Variants in NARS2 observed in about 807,000 individuals in gnomAD.
NARS2 encodes asparaginyl-tRNA synthetase 2, mitochondrial, also known as asparaginyl-tRNA synthetase.
Under a neutral mutation model 62.9 loss-of-function variants are expected in NARS2, and 60 were observed. The observed-to-expected ratio is 0.95, with a 90% CI of 0.77 to 1.18. The LOEUF (loss-of-function observed/expected upper bound fraction) is 1.18, where lower values mean the gene tolerates loss of function less well. Among genes scored for constraint, NARS2 ranks in the 50% most tolerant of loss-of-function variants. The pLI is 0.00. For synonymous variants in NARS2, 196 were observed against 200.0 expected, an observed-to-expected ratio of 0.98 and a Z score of 0.17; for missense variants, 619 against 576.4, an observed-to-expected ratio of 1.07 and a Z score of -0.76.
intron 7 of NARS2, among the ~76,000 whole-genome samples, chr11:78,489,773 T>C (rs1446086153): frequency 2.0e-5 from 3 of 152,184 alleles, no homozygotes; most frequent in African/African-American, 4.8e-5. Flanking sequence ...GAAATGAGTC[T>C]GGGTGGCTGC....
At chr11:78,564,800 T>C (rs1856687341) in intron 4 of NARS2, among the ~76,000 whole-genome samples, 1 of 152,160 alleles carries the variant, frequency 6.6e-6, no homozygotes, top group South Asian at 2.1e-4. Context: ...TGGGATAACA[T>C]TATATAATTT....
intron 6 of NARS2, among the ~76,000 whole-genome samples, chr11:78,510,742 C>A (rs1860691297): frequency 1.3e-5 from 2 of 152,116 alleles, no homozygotes; most frequent in Admixed American, 6.5e-5. Flanking sequence ...CTTAATGTCA[C>A]TGAACTACAT....
At chr11:78,498,233 A>T (rs1428442237) in intron 6 of NARS2, among the ~76,000 whole-genome samples, 2 of 152,184 alleles carry the variant, frequency 1.3e-5, no homozygotes, top group African/African-American at 4.8e-5. Context: ...TTGTAAACAC[A>T]GTAAGCAGTG....
chr11:78,523,008 C>G (rs1012439772), intron 6 of NARS2, among the ~76,000 whole-genome samples: 1 of 152,048 alleles, frequency 6.6e-6, no homozygotes, highest in East Asian at 1.9e-4. Flanking sequence ...ATCCACCAAA[C>G]AGGGAAAAAA....
At chr11:78,520,927 G>A (rs928525209) in intron 6 of NARS2, among the ~76,000 whole-genome samples, 3 of 151,708 alleles carry the variant, frequency 2.0e-5, no homozygotes, top group Non-Finnish European at 2.9e-5. Flanking sequence ...GTGTGGTGGT[G>A]GACACCTGTA....
chr11:78,487,759 A>G (rs1005464259), intron 7 of NARS2, among the ~76,000 whole-genome samples: 13 of 152,230 alleles, frequency 8.5e-5, no homozygotes, highest in African/African-American at 2.9e-4. Flanking sequence ...TTTATTCTCA[A>G]ACACTACAGA....
intron 5 of NARS2, among the ~76,000 whole-genome samples, chr11:78,529,768 C>T (rs1406338676): frequency 6.6e-6 from 1 of 152,122 alleles, no homozygotes; most frequent in African/African-American, 2.4e-5. Context: ...TCAAGAAATC[C>T]TCCCACTTCA....
chr11:78,552,737 T>C (rs181253771), intron 5 of NARS2, among the ~76,000 whole-genome samples: 3 of 151,500 alleles, frequency 2.0e-5, no homozygotes, highest in Non-Finnish European at 2.9e-5. Flanking sequence ...CGAACCAATG[T>C]TCATCTTACG....
intron 11 of NARS2, among the ~76,000 whole-genome samples, chr11:78,452,200 C>A (rs1382774558): frequency 6.6e-6 from 1 of 151,948 alleles, no homozygotes; most frequent in African/African-American, 2.4e-5. Flanking sequence ...CTCTGCCTCC[C>A]AGGTTCAAGA....
At chr11:78,506,665 G>A (rs967894316) in intron 6 of NARS2, among the ~76,000 whole-genome samples, 102 of 152,344 alleles carry the variant, frequency 6.7e-4, no homozygotes, top group African/African-American at 2.2e-3. Context: ...CTCCTGAGTA[G>A]CTGGGACTAC....
intron 11 of NARS2, among the ~76,000 whole-genome samples, chr11:78,445,940 G>T (rs1049056504): frequency 1.3e-5 from 2 of 152,044 alleles, no homozygotes; most frequent in African/African-American, 4.8e-5. Flanking sequence ...TAGTCTAGGC[G>T]ACAGGCAAGA....
intron 13 of NARS2, among the ~76,000 whole-genome samples, chr11:78,440,061 T>A (rs528806391): frequency 1.5e-4 from 23 of 152,332 alleles, no homozygotes; most frequent in Admixed American, 3.3e-4. Flanking sequence ...AGGATTTTTT[T>A]AAATTAATTA....
chr11:78,450,489 G>A (rs1035800804), intron 11 of NARS2, among the ~76,000 whole-genome samples: 1 of 152,076 alleles, frequency 6.6e-6, no homozygotes, highest in Non-Finnish European at 1.5e-5. Context: ...CCAGTGGTCA[G>A]TCTCCTACAT....
At chr11:78,490,416 G>A (rs909831517) in intron 7 of NARS2, among the ~76,000 whole-genome samples, 2 of 152,180 alleles carry the variant, frequency 1.3e-5, no homozygotes, top group African/African-American at 4.8e-5. Flanking sequence ...GTTTTCTTCT[G>A]GTTCACAGTA....
intron 11 of NARS2, among the ~76,000 whole-genome samples, chr11:78,449,133 GTTT>G (rs201937471): frequency 1.4e-3 from 140 of 100,042 alleles, no homozygotes; most frequent in East Asian, 6.1e-3. Flanking sequence ...CCTAAAAAAT[GTTT>G]TTTTTTTTTT....
intron 5 of NARS2, among the ~76,000 whole-genome samples, chr11:78,545,940 C>T (rs1340729046): frequency 6.6e-6 from 1 of 152,158 alleles, no homozygotes; most frequent in Non-Finnish European, 1.5e-5. Context: ...TATTTTTCTT[C>T]GCAATACAAA....
intron 11 of NARS2, among the ~76,000 whole-genome samples, chr11:78,464,702 A>C (rs76725518): frequency 6.6e-6 from 1 of 152,068 alleles, no homozygotes; most frequent in African/African-American, 2.4e-5. Flanking sequence ...GCTAGACATA[A>C]AGGTTCTCCA....
At chr11:78,525,834 G>A (rs1164637088) in intron 6 of NARS2, among the ~76,000 whole-genome samples, 4 of 152,064 alleles carry the variant, frequency 2.6e-5, no homozygotes, top group African/African-American at 9.7e-5. Context: ...TGGATATCAC[G>A]TATCCACTGA....
In NARS2 at chr11:78,571,407, A is replaced by G; in HGVS notation, c.179T>C (p.Leu60Ser). 1 of 1,613,636 alleles carries G rather than the reference A, an allele frequency of 6.2e-7. No individual in the cohort carries two copies. Among genetic ancestry groups the G allele is most frequent in the Non-Finnish European group, 8.5e-7 (1 of 1,179,882 alleles). ...IRSVRSQKEV[L>S]FLHVNDGSSL... is the part of the protein sequence containing the mutation. ...TGACCCATCATTTACATGCAGGAAC[A>G]AGACTTCCTTCTGGGATCGGACAGA... The change falls in exon 2 of 14, where the codon TTG (leucine) becomes TCG (serine). Residue 60 changes from leucine (L) to serine (S), a missense_variant. Coordinates refer to ENST00000281038, the MANE Select transcript of NARS2 (RefSeq NM_024678.6).
Sources: gnomAD v4.1 joint callset for allele counts (sites outside exome capture counted in the v4.1 genomes callset) on GRCh38, gnomAD v4.1.1 for gene constraint, MANE v1.5 for transcripts, NCBI Gene and HGNC (gene_info 2026-07-23, HGNC 2026-07-21) for gene names.